The following ACTA2 variants were observed in gnomAD, a reference collection of about 807,000 sequenced individuals.
The protein encoded by ACTA2 is actin, aortic smooth muscle.
A neutral mutation model predicts 39.5 loss-of-function variants in ACTA2; 12 were observed. The ratio of observed to expected loss-of-function variants is 0.30; its 90% CI spans 0.19 to 0.49. The LOEUF is 0.49. ACTA2 is among the 20% of genes least tolerant of loss of function. The pLI is 0.99. For missense variants in ACTA2, 236 were observed against 498.8 expected, an observed-to-expected ratio of 0.47 and a Z score of 5.02; for synonymous variants, 158 against 180.6, an observed-to-expected ratio of 0.88 and a Z score of 1.00.
At chr10:88,944,035 G>A (rs902304066) in intron 3 of ACTA2, 128 bp from the exon 4 acceptor site, 23 of 749,684 alleles carry the variant, frequency 3.1e-5, no homozygotes, top group African/African-American at 2.6e-4. Context: ...TCATGCATGT[G>A]TCCATGGTTT....
Position 88,943,779 on chromosome 10 carries a change from C to T in ACTA2, c.369+18G>A. ...TCCCCAGACCCCACAGTGTTGTGTG[C>T]TGGGGTAGCATACTTACTTGAGTCA... is the stretch of plus-strand genomic sequence containing the variant. On this transcript the variant is annotated intron_variant, in intron 4 of 8. Transcript: ENST00000224784. 6.3e-7 allele frequency: 1 copy of T among 1,592,664 alleles called. No homozygotes were observed. The highest frequency in any genetic ancestry group is 8.6e-7 in the Non-Finnish European group (1 of 1,160,552).
At chr10:88,982,783 T>C (rs1207802689) in intron 1 of ACTA2, among the ~76,000 whole-genome samples, 1 of 152,234 alleles carries the variant, frequency 6.6e-6, no homozygotes, top group Non-Finnish European at 1.5e-5. Flanking sequence ...GATACAAATA[T>C]GTTTATAATG....
In ACTA2 at chr10:88,991,000, C is replaced by T; in HGVS notation, c.-85G>A. 1.9e-6 allele frequency: 3 copies of T among 1,564,164 alleles called. 1 individual carries two copies. On this transcript the variant is annotated 5_prime_UTR_variant, in exon 1 of 5. Transcript: ENST00000415557. This position sits in a 1 kb window ranked among gnomAD's most constrained non-coding sequence, Gnocchi z 4.9. ...GCGCGGGACGCGTGCGGGATTGCGG[C>T]GGCAGCGGCGCACGCGGGCACCTGG...
At chr10:88,989,978 G>A (rs1847068739) in intron 1 of ACTA2, among the ~76,000 whole-genome samples, 1 of 152,168 alleles carries the variant, frequency 6.6e-6, no homozygotes, top group South Asian at 2.1e-4. Flanking sequence ...GTTCACCAGA[G>A]CACGAAAGAA....
intron 4 of ACTA2, 146 bp downstream of exon 4, chr10:88,943,650 TC>T: frequency 1.4e-6 from 1 of 729,386 alleles, no homozygotes; most frequent in Non-Finnish European, 2.5e-6. Flanking sequence ...GCTGTTCCTG[TC>T]CTTTGGGATC....
At chr10:88,978,522 A>C (rs551869166) in intron 1 of ACTA2, among the ~76,000 whole-genome samples, 35 of 152,358 alleles carry the variant, frequency 2.3e-4, no homozygotes, top group Admixed American at 6.5e-4. Flanking sequence ...TCAGCCTTTC[A>C]TCACCCCTGC....
rs1345680070 is a variant in ACTA2 at position 88,990,567 on chromosome 10, A to C, written c.-24+372T>G. On this transcript the variant is annotated intron_variant, in intron 1 of 4. Transcript: ENST00000415557. The surrounding 1 kb of genome is among the most constrained non-coding windows in gnomAD (Gnocchi z 4.9). ...GCAGGCCAAGTTGCTGAATCAATGGAGCCCTCCCCAACCCGGGCGTTCCCC... is the reference window on the plus strand; with the variant it reads ...GCAGGCCAAGTTGCTGAATCAATGGCGCCCTCCCCAACCCGGGCGTTCCCC... 1 of 648,300 alleles carries C rather than the reference A, an allele frequency of 1.5e-6. No homozygotes were observed. Among genetic ancestry groups the C allele is most frequent in the Non-Finnish European group, 2.8e-6 (1 of 351,476 alleles). 40.2% of individuals were successfully genotyped at this position (648,300 alleles called of 1,614,324 possible).
At chr10:88,953,812 G>C (rs1032659291), upstream of ACTA2, among the ~76,000 whole-genome samples, 1 of 152,152 alleles carries the variant, frequency 6.6e-6, no homozygotes, top group Non-Finnish European at 1.5e-5. Context: ...CCCTGCTCTT[G>C]CTTGCTCTCT....
At chr10:88,984,897 G>A (rs765624753) in intron 1 of ACTA2, among the ~76,000 whole-genome samples, 2 of 152,174 alleles carry the variant, frequency 1.3e-5, no homozygotes, top group Admixed American at 6.5e-5. Flanking sequence ...AAAAAATATG[G>A]TATTCTTCAT....
intron 1 of ACTA2, among the ~76,000 whole-genome samples, chr10:88,983,123 G>A (rs1165057383): frequency 6.6e-6 from 1 of 152,194 alleles, no homozygotes; most frequent in Non-Finnish European, 1.5e-5. Context: ...CTGAGTTAGA[G>A]TGTGGAGTTA....
At position 88,988,837 on chromosome 10, in the gene ACTA2, C is replaced by T. The variant is rs12761227; in HGVS notation, c.-24+2102G>A. ...CCTTTGACATTAGCATACTAAGGGC[C>T]CTGAGAAGTTTTGGATTCAGAAAGT... is the stretch of plus-strand genomic sequence containing the variant. On this transcript the variant is annotated intron_variant, in intron 1 of 4. Coordinates refer to the ACTA2 transcript ENST00000415557. Among the ~76,000 whole-genome samples the T allele has an allele frequency of 6.0e-3, 919 of 152,122 alleles. 4 individuals carry two copies. Among genetic ancestry groups the T allele is most frequent in the Non-Finnish European group, 0.011 (717 of 67,988 alleles).
chr10:88,964,864 T>G (rs1485551557), intron 1 of ACTA2, among the ~76,000 whole-genome samples: 1 of 152,130 alleles, frequency 6.6e-6, no homozygotes, highest in Non-Finnish European at 1.5e-5. Flanking sequence ...CTTTGTAACT[T>G]TCTTTTGCCC....
intron 1 of ACTA2, among the ~76,000 whole-genome samples, chr10:88,949,183 C>G (rs1169961097): frequency 1.3e-5 from 2 of 152,098 alleles, no homozygotes; most frequent in East Asian, 3.9e-4. Flanking sequence ...TTGATACAAC[C>G]TTAGTGTAGT....
At chr10:88,988,969 C>T (rs539788863) in intron 1 of ACTA2, among the ~76,000 whole-genome samples, 6 of 152,126 alleles carry the variant, frequency 3.9e-5, no homozygotes, top group East Asian at 1.9e-4. Flanking sequence ...GATAATTAGA[C>T]GTACGTGGGC....
At chr10:88,939,297 C>A in intron 7 of ACTA2, 1 of 625,900 alleles carries the variant, frequency 1.6e-6, no homozygotes, top group Non-Finnish European at 2.8e-6. Flanking sequence ...GGCTTAACTG[C>A]AACATAGATA....
Position 88,941,804 on chromosome 10 carries a change from A to G in ACTA2, c.435T>C (p.Tyr145=), listed in dbSNP as rs765374178. ...ACCTACCAGTTGTGCGTCCAGAGGCATAGAGAGACAGCACCGCCTGGATAG... is the reference window on the plus strand; with the variant it reads ...ACCTACCAGTTGTGCGTCCAGAGGCGTAGAGAGACAGCACCGCCTGGATAG... ...YVAIQAVLSL[Y]ASGRTTGIVL... is the part of the protein sequence containing the mutation. Residue 145 remains tyrosine, a synonymous_variant, in exon 5 of 9, where the codon TAT becomes TAC. Coordinates refer to ENST00000224784, the MANE Select transcript of ACTA2 (RefSeq NM_001613.4). The G allele has an allele frequency of 3.7e-6, 6 of 1,612,830 alleles. No homozygotes were observed. The highest frequency in any genetic ancestry group is 4.2e-6 in the Non-Finnish European group (5 of 1,179,536).
intron 1 of ACTA2, among the ~76,000 whole-genome samples, chr10:88,987,559 G>T (rs1243891490): frequency 6.6e-6 from 1 of 152,204 alleles, no homozygotes; most frequent in Non-Finnish European, 1.5e-5. Flanking sequence ...AACCACATCA[G>T]TTTCACATCT....
upstream of ACTA2, among the ~76,000 whole-genome samples, chr10:88,955,809 T>A (rs1846129101): frequency 6.6e-6 from 1 of 152,186 alleles, no homozygotes. Flanking sequence ...TGACTTTGTG[T>A]AAAGGCAAAC....
At chr10:88,940,744 T>C (rs1466300572) in intron 6 of ACTA2, 1 of 223,610 alleles carries the variant, frequency 4.5e-6, no homozygotes, top group East Asian at 9.6e-5. Context: ...ATGTCAAGTA[T>C]TCCACATGCG....
Sources: allele counts gnomAD v4.1 joint callset (sites outside exome capture counted in the v4.1 genomes callset), GRCh38; gene constraint gnomAD v4.1.1; non-coding constraint Gnocchi (gnomAD v3.1); transcripts MANE v1.5; gene names NCBI Gene and HGNC (gene_info 2026-07-23, HGNC 2026-07-21).